ADGRG6: variants seen among roughly 807,000 people sequenced by gnomAD.
ADGRG6 encodes the protein adhesion G protein-coupled receptor G6.
In ADGRG6, 84 loss-of-function variants were observed where a neutral mutation model predicts 142.4. That is an observed-to-expected ratio of 0.59 (90% CI 0.49 to 0.71). ADGRG6 has a LOEUF of 0.71. ADGRG6 is among the 30% of genes least tolerant of loss of function. ADGRG6 has a pLI of 0.00. For missense variants in ADGRG6, 1,367 were observed against 1,466.6 expected, an observed-to-expected ratio of 0.93 and a Z score of 1.11; for synonymous variants, 521 against 520.5, an observed-to-expected ratio of 1.00 and a Z score of -0.01.
intron 2 of ADGRG6, among the ~76,000 whole-genome samples, chr6:142,315,596 G>A (rs891377066): frequency 2.6e-5 from 4 of 152,026 alleles, no homozygotes; most frequent in South Asian, 2.1e-4. Context: ...TTGGGAGGCC[G>A]AGGCGGCGGG....
At chr6:142,314,725 A>C (rs184093096) in intron 2 of ADGRG6, among the ~76,000 whole-genome samples, 2 of 152,348 alleles carry the variant, frequency 1.3e-5, no homozygotes, top group Admixed American at 6.5e-5. Flanking sequence ...GCCTTTAGAT[A>C]TCTGGAGAGT....
chr6:142,436,897 G>A (rs1392554441), intron 22 of ADGRG6, among the ~76,000 whole-genome samples: 3 of 152,104 alleles, frequency 2.0e-5, no homozygotes, highest in East Asian at 1.9e-4. Context: ...AGGTGGAGCC[G>A]CATGATTTTG....
At chr6:142,406,057 T>G (rs1682129073) in intron 15 of ADGRG6, among the ~76,000 whole-genome samples, 1 of 152,192 alleles carries the variant, frequency 6.6e-6, no homozygotes, top group African/African-American at 2.4e-5. Context: ...AGTATTAGGC[T>G]AAGGCTTGCA....
rs531078956 is a variant in ADGRG6 at position 142,382,089 on chromosome 6, A to G, written c.1138+70A>G. 1.1e-4 allele frequency: 99 copies of G among 876,812 alleles called. 1 individual carries two copies. The highest frequency in any genetic ancestry group is 2.1e-4 in the South Asian group (14 of 65,486). The allele number at this position is 876,812 out of a possible 1,614,324, so 54.3% of individuals were successfully genotyped here. A position where few individuals can be genotyped will look rare whatever the true frequency, so the allele number is the denominator to read the frequency against. ...TGCAATTTTGGGTAATGTGGTTGTCATTGTTTTGATTTGTATCTGAATTTT... is the reference window on the plus strand; with the variant it reads ...TGCAATTTTGGGTAATGTGGTTGTCGTTGTTTTGATTTGTATCTGAATTTT... On this transcript the variant is annotated intron_variant, in intron 5 of 24. Coordinates refer to ENST00000367609, the MANE Select transcript of ADGRG6 (RefSeq NM_198569.3).
chr6:142,359,151 G>A (rs1342699419), intron 2 of ADGRG6, among the ~76,000 whole-genome samples: 1 of 145,926 alleles, frequency 6.9e-6, no homozygotes, highest in Non-Finnish European at 1.5e-5. Flanking sequence ...AGGCTTCAGT[G>A]AGCCATGATT....
At chr6:142,328,813 G>A (rs564291128) in intron 2 of ADGRG6, among the ~76,000 whole-genome samples, 8 of 152,118 alleles carry the variant, frequency 5.3e-5, no homozygotes, top group Non-Finnish European at 1.0e-4. Flanking sequence ...AGGTGATTTC[G>A]ATGTTAGCTA....
chr6:142,408,172 C>A lies in ADGRG6; in HGVS notation c.2291C>A (p.Thr764Asn). The A allele has an allele frequency of 6.3e-7, 1 of 1,586,802 alleles. No individual in the cohort carries two copies. Among genetic ancestry groups the A allele is most frequent in the South Asian group, 1.2e-5 (1 of 86,656 alleles). The change falls in exon 16 of 25, where the codon ACT becomes AAT. Residue 764 changes from threonine (T) to asparagine (N), a missense_variant. Physicochemically the swap from Thr to Asn is moderately conservative, Grantham distance 65. This residue lies in a region of ADGRG6 where 286 missense variants were observed against 371.4 expected (regional missense o/e 0.77). Transcript: ENST00000367609. The stretch of plus-strand genomic sequence containing the variant: ...AAGGATGTAGGACCCCAAAGAAAAA[C>A]TTTAGTGAGTTATGTGATGGCGTGC... ...LFQDVGPQRKTLVSYVMACSI... is the reference protein window; with the variant it reads ...LFQDVGPQRKNLVSYVMACSI...
intron 2 of ADGRG6, among the ~76,000 whole-genome samples, chr6:142,350,561 A>G (rs1232246294): frequency 6.6e-6 from 1 of 152,230 alleles, no homozygotes. Flanking sequence ...TTTCCTAAAG[A>G]AATCCATTTC....
At chr6:142,378,648 C>G (rs560918558) in intron 4 of ADGRG6, among the ~76,000 whole-genome samples, 2 of 152,232 alleles carry the variant, frequency 1.3e-5, no homozygotes, top group Admixed American at 6.5e-5. Context: ...TAAAACTCCC[C>G]CTTCCTCTCT....
chr6:142,358,472 AAACT>A (rs1281008798), intron 2 of ADGRG6, among the ~76,000 whole-genome samples: 3 of 152,218 alleles, frequency 2.0e-5, no homozygotes, highest in African/African-American at 7.2e-5. Context: ...TTATTTCCAC[AAACT>A]GTCAGTGCAG....
At chr6:142,351,052 G>A (rs1434265040) in intron 2 of ADGRG6, among the ~76,000 whole-genome samples, 15 of 151,920 alleles carry the variant, frequency 9.9e-5, no homozygotes, top group African/African-American at 3.4e-4. Flanking sequence ...TGGCTAACAC[G>A]GTGAAACCCC....
chr6:142,340,284 T>C, intron 2 of ADGRG6, among the ~76,000 whole-genome samples: 1 of 152,148 alleles, frequency 6.6e-6, no homozygotes, highest in East Asian at 1.9e-4. Context: ...TGTCCATTTA[T>C]AGCAATTTTT....
chr6:142,416,184 A>G, intron 20 of ADGRG6, 120 bp downstream of exon 20: 1 of 693,122 alleles, frequency 1.4e-6, no homozygotes, highest in Non-Finnish European at 2.4e-6. Flanking sequence ...AAAATTGTGA[A>G]TGGCATGGAT....
intron 2 of ADGRG6, among the ~76,000 whole-genome samples, chr6:142,316,805 T>C (rs1165098619): frequency 6.6e-6 from 1 of 152,098 alleles, no homozygotes; most frequent in Non-Finnish European, 1.5e-5. Context: ...TTAGTGTTTT[T>C]TTTTAATTTT....
chr6:142,392,626 A>G (rs1774952886), intron 7 of ADGRG6, among the ~76,000 whole-genome samples: 1 of 151,994 alleles, frequency 6.6e-6, no homozygotes, highest in South Asian at 2.1e-4. Context: ...GGCATCTGCT[A>G]CTGCTTACTT....
intron 6 of ADGRG6, among the ~76,000 whole-genome samples, chr6:142,386,527 TA>T (rs1158351530): frequency 1.3e-5 from 2 of 152,142 alleles, no homozygotes; most frequent in Admixed American, 6.5e-5. Context: ...GGTGGTGGGT[TA>T]AATCAAGAAA....
At chr6:142,304,143 A>C (rs1391332274) in intron 1 of ADGRG6, among the ~76,000 whole-genome samples, 1 of 152,192 alleles carries the variant, frequency 6.6e-6, no homozygotes, top group Non-Finnish European at 1.5e-5. Flanking sequence ...CAACCTTTCC[A>C]AGATTAATAT....
chr6:142,395,329 T>C (rs1775121536), intron 9 of ADGRG6, among the ~76,000 whole-genome samples: 1 of 152,208 alleles, frequency 6.6e-6, no homozygotes, highest in Non-Finnish European at 1.5e-5. Context: ...TGTTAGGTCA[T>C]ATTGCATCTT....
At chr6:142,347,384 A>G (rs1392006637) in intron 2 of ADGRG6, among the ~76,000 whole-genome samples, 1 of 152,210 alleles carries the variant, frequency 6.6e-6, no homozygotes. Context: ...TTTAATGTCA[A>G]TTTGTTGATA....
Sources: allele counts gnomAD v4.1 joint callset (sites outside exome capture counted in the v4.1 genomes callset), GRCh38; gene constraint gnomAD v4.1.1; regional missense constraint gnomAD v4.1.1; transcripts MANE v1.5; gene names NCBI Gene and HGNC (gene_info 2026-07-23, HGNC 2026-07-21).